MYO16: variants seen among roughly 807,000 people sequenced by gnomAD.
MYO16 encodes myosin XVI.
Under a neutral mutation model 205.3 loss-of-function variants are expected in MYO16, and 94 were observed. The ratio of observed to expected loss-of-function variants is 0.46; its 90% confidence interval spans 0.39 to 0.54. MYO16 has a LOEUF of 0.54. Ranked by LOEUF, MYO16 falls within the 20% of genes least tolerant of loss-of-function variation. The pLI, the probability that MYO16 is intolerant of heterozygous loss-of-function variation, is 0.00. For synonymous variants in MYO16, 988 were observed against 954.0 expected, an observed-to-expected ratio of 1.04 and a Z score of -0.66; for missense variants, 2,315 against 2,387.5, an observed-to-expected ratio of 0.97 and a Z score of 0.63.
intron 16 of MYO16, among the ~76,000 whole-genome samples, chr13:108,915,640 T>C (rs1410319008): frequency 6.6e-6 from 1 of 152,246 alleles, no homozygotes; most frequent in African/African-American, 2.4e-5. Context: ...ATTCATTGTT[T>C]ATCTTCAGCA....
At chr13:108,975,547 G>A (rs1884224116) in intron 20 of MYO16, among the ~76,000 whole-genome samples, 1 of 152,126 alleles carries the variant, frequency 6.6e-6, no homozygotes, top group South Asian at 2.1e-4. Context: ...GCAGCCATCA[G>A]GAGCATCTCA....
chr13:108,854,375 T>C (rs1444243480), intron 10 of MYO16, among the ~76,000 whole-genome samples: 5 of 152,182 alleles, frequency 3.3e-5, no homozygotes, highest in South Asian at 2.1e-4. Context: ...GGAAAGATTT[T>C]ACTTTGCGAA....
chr13:108,571,825 T>C, the MYO16 span, among the ~76,000 whole-genome samples: 1 of 151,800 alleles, frequency 6.6e-6, no homozygotes, highest in Non-Finnish European at 1.5e-5. Flanking sequence ...GTGTCTTGTA[T>C]GTAACTCTTC....
At chr13:108,573,645 G>C in the MYO16 span, among the ~76,000 whole-genome samples, 876 of 152,284 alleles carry the variant, frequency 5.8e-3, 12 homozygotes, top group African/African-American at 0.02. Context: ...GTAGAAGCAG[G>C]TCAGAGATAA....
chr13:108,929,118 T>A (rs1470581447), intron 16 of MYO16, among the ~76,000 whole-genome samples: 1 of 152,196 alleles, frequency 6.6e-6, no homozygotes. Flanking sequence ...ATGAAATTTT[T>A]AAAAAATCAA....
At chr13:108,709,842 T>C (rs537627303) in intron 2 of MYO16, among the ~76,000 whole-genome samples, 1 of 134,694 alleles carries the variant, frequency 7.4e-6, no homozygotes, top group East Asian at 2.2e-4. Flanking sequence ...TTACTCATGG[T>C]AATGATGGGC....
chr13:108,660,724 C>A (rs118035797), intron 1 of MYO16, among the ~76,000 whole-genome samples: 1 of 152,168 alleles, frequency 6.6e-6, no homozygotes, highest in Non-Finnish European at 1.5e-5. Context: ...AGTTATTCTA[C>A]ATTCTGTAGT....
chr13:109,140,890 C>A lies in MYO16; in HGVS notation c.4678C>A (p.Leu1560Met). The change falls in exon 32 of 35, where the codon CTG becomes ATG. Residue 1560 changes from leucine (L) to methionine (M), a missense_variant. By Grantham distance (15) the Leu-to-Met change is conservative. Transcript: ENST00000457511. The surrounding 1 kb of genome is among the most constrained non-coding windows in gnomAD (Gnocchi z 8.0). ...YPVQPEGSSP[L>M]SPQYSKSQKG... ...CGTGCAGCCGGAGGGGTCGAGCCCG[C>A]TGTCCCCGCAGTACTCCAAGAGCCA... 5 of 1,593,720 alleles carry A rather than the reference C, an allele frequency of 3.1e-6. No individual in the cohort carries two copies. Among genetic ancestry groups the A allele is most frequent in the Non-Finnish European group, 4.3e-6 (5 of 1,171,812 alleles).
chr13:108,673,879 T>C (rs977116322), intron 2 of MYO16, among the ~76,000 whole-genome samples: 2 of 134,248 alleles, frequency 1.5e-5, no homozygotes, highest in African/African-American at 5.9e-5. Flanking sequence ...TGATTCTCCA[T>C]TGATGTGCCA....
chr13:109,112,659 G>A (rs1039554711), intron 28 of MYO16, among the ~76,000 whole-genome samples: 1 of 152,112 alleles, frequency 6.6e-6, no homozygotes, highest in African/African-American at 2.4e-5. Context: ...GGAGGCTGAA[G>A]CAGGAGAATT....
At chr13:108,782,775 G>C (rs966900689) in intron 4 of MYO16, among the ~76,000 whole-genome samples, 4 of 152,092 alleles carry the variant, frequency 2.6e-5, no homozygotes, top group Non-Finnish European at 5.9e-5. Context: ...GGCCAATGTA[G>C]AGCTTGGGCC....
chr13:109,041,169 G>A (rs981517075), intron 23 of MYO16, among the ~76,000 whole-genome samples: 2 of 152,048 alleles, frequency 1.3e-5, no homozygotes, highest in African/African-American at 4.8e-5. Flanking sequence ...GAACTTGTGT[G>A]GCGAAAACCA....
rs934036168 is a variant in MYO16 at position 108,961,748 on chromosome 13, T to C, written c.2155+92T>C. 23 of 1,028,060 alleles carry C rather than the reference T, an allele frequency of 2.2e-5. No individual in the cohort carries two copies. The African/African-American group carries it at 2.4e-4, about 11-fold the overall frequency. 63.7% of individuals were successfully genotyped at this position (1,028,060 alleles called of 1,614,324 possible). A position where few individuals can be genotyped will look rare whatever the true frequency, so the allele number is the denominator to read the frequency against. On this transcript the variant is annotated intron_variant, in intron 18 of 34. Transcript: ENST00000457511. ...TGGCGACATAGTACAGAAAAGCCAG[T>C]TGGCTTAAACCCTTTCCTCTATAGT...
rs405397 is a variant in MYO16 at position 108,823,262 on chromosome 13, G to A, written c.1081G>A (p.Val361Ile). The A allele has an allele frequency of 5.5e-3, 8,783 of 1,609,714 alleles. 380 individuals are homozygous for A. In the African/African-American group the frequency reaches 0.098, roughly 18 times the overall value. Residue 361 changes from valine (V) to isoleucine (I), a missense_variant, in exon 9 of 35, where the codon GTA (valine) becomes ATA (isoleucine). Val to Ile is a conservative substitution (Grantham distance 29). Coordinates refer to ENST00000457511, the MANE Select transcript of MYO16 (RefSeq NM_001198950.3). ...PYEEIIHDLP[V>I]LSSKLSPLVL... is the part of the protein sequence containing the mutation. ...TGAAGAGATCATTCACGATCTTCCC[G>A]TACTGTCGAGTAAGCTGTAAGTGTC... is the stretch of plus-strand genomic sequence containing the variant.
At chr13:108,597,159 G>T (rs924101017) in intron 1 of MYO16, among the ~76,000 whole-genome samples, 1 of 151,962 alleles carries the variant, frequency 6.6e-6, no homozygotes, top group African/African-American at 2.4e-5. Context: ...CTTCATATGC[G>T]TTATTTCACT....
At chr13:108,987,642 C>T (rs1365472190) in intron 20 of MYO16, among the ~76,000 whole-genome samples, 5 of 152,298 alleles carry the variant, frequency 3.3e-5, no homozygotes, top group Admixed American at 2.0e-4. Context: ...AGATTGCTCA[C>T]GTCTGGAATG....
chr13:108,861,676 G>A (rs1180362850), intron 11 of MYO16, among the ~76,000 whole-genome samples: 1 of 152,008 alleles, frequency 6.6e-6, no homozygotes, highest in African/African-American at 2.4e-5. Flanking sequence ...AGCTTATTGT[G>A]TTTCTAATTT....
intron 27 of MYO16, among the ~76,000 whole-genome samples, chr13:109,084,749 T>C (rs1295112899): frequency 3.3e-5 from 5 of 152,036 alleles, no homozygotes; most frequent in African/African-American, 1.2e-4. Flanking sequence ...TTTTTTTTTA[T>C]TCATGCAGCA....
intron 1 of MYO16, among the ~76,000 whole-genome samples, chr13:108,644,129 C>T (rs7992854): frequency 0.14 from 20,834 of 152,094 alleles, 2,799 homozygotes; most frequent in African/African-American, 0.34. Context: ...TTCGGATCCT[C>T]AGCTCTGAGA....
Sources: allele counts gnomAD v4.1 joint callset (sites outside exome capture counted in the v4.1 genomes callset), GRCh38; gene constraint gnomAD v4.1.1; non-coding constraint Gnocchi (gnomAD v3.1); transcripts MANE v1.5; gene names NCBI Gene and HGNC (gene_info 2026-07-23, HGNC 2026-07-21).